NCOA4: variants seen among roughly 807,000 people sequenced by gnomAD.
The protein encoded by NCOA4 is nuclear receptor coactivator 4.
Under a neutral mutation model 69.5 loss-of-function variants are expected in NCOA4, and 31 were observed. The ratio of observed to expected loss-of-function variants is 0.45; its 90% confidence interval spans 0.34 to 0.60. The LOEUF is 0.60. NCOA4 is among the 20% of genes least tolerant of loss of function. The pLI, the probability that NCOA4 is intolerant of heterozygous loss-of-function variation, is 0.02. For missense variants in NCOA4, 600 were observed against 719.2 expected, an observed-to-expected ratio of 0.83 and a Z score of 1.90; for synonymous variants, 228 against 252.4, an observed-to-expected ratio of 0.90 and a Z score of 0.92.
intron 7 of NCOA4, 117 bp from the exon 8 acceptor site, chr10:46,011,323 G>A (rs1019211951): frequency 4.0e-5 from 41 of 1,013,314 alleles, no homozygotes; most frequent in South Asian, 5.0e-5. Context: ...GCTGGAGTGC[G>A]GTGGCACAAT....
chr10:46,015,538 G>A (rs1487597823), intron 2 of NCOA4, among the ~76,000 whole-genome samples: 3 of 152,078 alleles, frequency 2.0e-5, no homozygotes, highest in African/African-American at 2.4e-5. Flanking sequence ...TAGCCATAAA[G>A]GCATACCTAA....
At chr10:46,029,065 A>C (rs1840318364) in intron 1 of NCOA4, among the ~76,000 whole-genome samples, 1 of 150,768 alleles carries the variant, frequency 6.6e-6, no homozygotes, top group African/African-American at 2.4e-5. Context: ...GGTGAGGGGT[A>C]CTATGTAGTT....
chr10:46,010,079 G>C, intron 8 of NCOA4, 144 bp downstream of exon 8: 1 of 1,014,858 alleles, frequency 9.9e-7, no homozygotes, highest in Non-Finnish European at 1.4e-6. Context: ...CGGGCAGGGG[G>C]ATGGCTGGAG....
At chr10:46,028,569 G>C (rs1840283558) in intron 1 of NCOA4, among the ~76,000 whole-genome samples, 1 of 149,774 alleles carries the variant, frequency 6.7e-6, no homozygotes, top group African/African-American at 2.5e-5. Flanking sequence ...ACTTGACAAG[G>C]TTAAATATAT....
In NCOA4 at chr10:46,010,769, C is replaced by A; in HGVS notation, c.1152G>T (p.Met384Ile). ...EAKKPLSTPS[M>I]VTEDWLVQNH... ...TCTGGACAAGCCAATCCTCTGTAACCATGCTGGGGGTGGACAATGGTTTCT... is the reference window on the plus strand; with the variant it reads ...TCTGGACAAGCCAATCCTCTGTAACAATGCTGGGGGTGGACAATGGTTTCT... The change falls in exon 8 of 10, where the codon ATG becomes ATT. Residue 384 changes from methionine (M) to isoleucine (I), a missense_variant. By Grantham distance (10) the Met-to-Ile change is conservative. Transcript: ENST00000581486. 6.2e-7 allele frequency: 1 copy of A among 1,613,956 alleles called. No homozygotes were observed. The highest frequency in any genetic ancestry group is 1.1e-5 in the South Asian group (1 of 91,068).
intron 1 of NCOA4, among the ~76,000 whole-genome samples, chr10:46,017,270 G>A (rs1159170967): frequency 6.6e-6 from 1 of 152,120 alleles, no homozygotes; most frequent in Admixed American, 6.5e-5. Flanking sequence ...CATAGGGCCG[G>A]GCACGGTGGC....
rs199908076 is a variant in NCOA4 at position 46,029,249 on chromosome 10, CA to C, written c.-15+1276del. ...AAGAGTAGGATTTTCCTTAGAGACC[CA>C]AGGACAAAGGCTCCCTGGAAGGCAG... On this transcript the variant is annotated intron_variant, in intron 1 of 9. Transcript: ENST00000581486. Among the ~76,000 whole-genome samples the C allele has an allele frequency of 4.7e-3, 721 of 152,268 alleles. 5 individuals are homozygous for C. The highest frequency in any genetic ancestry group is 0.019 in the East Asian group (98 of 5,186).
intron 9 of NCOA4, among the ~76,000 whole-genome samples, chr10:46,006,977 C>G (rs782390511): frequency 6.6e-6 from 1 of 152,168 alleles, no homozygotes; most frequent in Non-Finnish European, 1.5e-5. Flanking sequence ...TTAAACTTAG[C>G]GAGAAAGTCA....
At chr10:46,014,758 T>C in intron 4 of NCOA4, 96 bp downstream of exon 4, 3 of 1,007,554 alleles carry the variant, frequency 3.0e-6, no homozygotes, top group Non-Finnish European at 4.5e-6. Flanking sequence ...ACACAGAAGT[T>C]AAATATAACA....
In NCOA4 at chr10:46,010,733, G is replaced by A; in HGVS notation, c.1188C>T (p.Asp396=). 1.2e-6 allele frequency: 2 copies of A among 1,613,884 alleles called. No individual in the cohort carries two copies. Among genetic ancestry groups the A allele is most frequent in the South Asian group, 1.1e-5 (1 of 91,060 alleles). Residue 396 remains aspartate, a synonymous_variant, in exon 8 of 10, where the codon GAC becomes GAT. Transcript: ENST00000581486. Reference sequence around the variant, plus strand: ...TGCACACCTCCTCTACCTTACATGGGTCCTGATGGTTCTGGACAAGCCAAT... The same window carrying A: ...TGCACACCTCCTCTACCTTACATGGATCCTGATGGTTCTGGACAAGCCAAT... ...TEDWLVQNHQ[D]PCKVEEVCRA... is the part of the protein sequence containing the mutation.
chr10:46,024,273 T>G (rs782103923), intron 1 of NCOA4, among the ~76,000 whole-genome samples: 2 of 152,256 alleles, frequency 1.3e-5, no homozygotes, highest in African/African-American at 4.8e-5. Flanking sequence ...TATGGTCCTT[T>G]GTACTAATTT....
At chr10:46,009,579 T>C (rs781797834) in intron 8 of NCOA4, 28 bp from the exon 9 acceptor site, 1 of 1,589,550 alleles carries the variant, frequency 6.3e-7, no homozygotes, top group Non-Finnish European at 8.6e-7. Flanking sequence ...AGTAGGTTGC[T>C]TCATGAAAAC....
intron 1 of NCOA4, among the ~76,000 whole-genome samples, chr10:46,018,332 G>GAATAATTCCCCAAGGGGA (rs1367281635): frequency 6.6e-6 from 1 of 152,184 alleles, no homozygotes; most frequent in Non-Finnish European, 1.5e-5. Context: ...GCAAGGAAGA[G>GAATAATTCCCCAAGGGGA]AATAATTCCT....
rs782089327 is a variant in NCOA4 at position 46,011,074 on chromosome 10, T to C, written c.847A>G (p.Ile283Val). The C allele has an allele frequency of 1.2e-6, 2 of 1,613,962 alleles. No individual in the cohort carries two copies. Among genetic ancestry groups the C allele is most frequent in the Non-Finnish European group, 8.5e-7 (1 of 1,179,858 alleles). Residue 283 changes from isoleucine (I) to valine (V), a missense_variant, in exon 8 of 10, where the codon ATT becomes GTT. Transcript: ENST00000581486. ...TGATCTCCAACCTTTTCCATTTCAA[T>C]GGAGAAAGAACTAGTAGTGGAATGG... ...NSHSTTSSFSIEMEKVGDQEL... is the reference protein window; with the variant it reads ...NSHSTTSSFSVEMEKVGDQEL...
rs191578158 is a variant in NCOA4, at chr10:46,007,548, C to T, written c.1840-951G>A. On this transcript the variant is annotated intron_variant, in intron 9 of 9. Transcript: ENST00000581486. Reference sequence around the variant, plus strand: ...TGCCTGGCTTCAAAGGACAGATGGACTCTCTTGTTAGGGACTAACACAGCC... The same window carrying T: ...TGCCTGGCTTCAAAGGACAGATGGATTCTCTTGTTAGGGACTAACACAGCC... 4.3e-4 allele frequency among the ~76,000 whole-genome samples: 63 copies of T among 147,908 alleles called. No individual in the cohort carries two copies. In the South Asian group the frequency reaches 4.8e-3, roughly 11 times the overall value.
chr10:46,029,603 A>G (rs1238876873), intron 1 of NCOA4, among the ~76,000 whole-genome samples: 1 of 152,190 alleles, frequency 6.6e-6, no homozygotes, highest in Non-Finnish European at 1.5e-5. Flanking sequence ...CCAAAAGGCA[A>G]TTACTGTGGT....
intron 1 of NCOA4, among the ~76,000 whole-genome samples, chr10:46,026,486 T>C (rs1396372774): frequency 6.6e-6 from 1 of 152,198 alleles, no homozygotes; most frequent in Non-Finnish European, 1.5e-5. Flanking sequence ...ATATTCAACT[T>C]GAAACTTCTT....
intron 9 of NCOA4, among the ~76,000 whole-genome samples, chr10:46,007,293 G>A (rs1403235102): frequency 1.3e-5 from 2 of 152,184 alleles, no homozygotes; most frequent in South Asian, 2.1e-4. Flanking sequence ...AAGGCTGAGA[G>A]AGGTCAGGAA....
At chr10:46,022,033 A>G (rs1449138982) in intron 1 of NCOA4, among the ~76,000 whole-genome samples, 1 of 152,144 alleles carries the variant, frequency 6.6e-6, no homozygotes, top group Admixed American at 6.5e-5. Context: ...AAACACTGCC[A>G]AATACCAATG....
Sources: allele counts gnomAD v4.1 joint callset (sites outside exome capture counted in the v4.1 genomes callset), GRCh38; gene constraint gnomAD v4.1.1; transcripts MANE v1.5; gene names NCBI Gene and HGNC (gene_info 2026-07-23, HGNC 2026-07-21).